Variants in QTMAN observed in about 807,000 individuals in gnomAD.
QTMAN encodes queuosine-tRNA mannosyltransferase.
the QTMAN span, among the ~76,000 whole-genome samples, chr2:144,308,170 T>TTTC: frequency 2.7e-5 from 4 of 146,928 alleles, no homozygotes; most frequent in East Asian, 5.9e-4. Flanking sequence ...TTGTTTTTTT[T>TTTC]TTTTTTTTTT....
the QTMAN span, among the ~76,000 whole-genome samples, chr2:144,121,822 T>A: frequency 2.6e-5 from 4 of 152,188 alleles, no homozygotes; most frequent in Non-Finnish European, 5.9e-5. Flanking sequence ...GGCCCAATAT[T>A]TATTTCCATA....
At chr2:143,981,588 C>T in the QTMAN span, among the ~76,000 whole-genome samples, 1 of 152,144 alleles carries the variant, frequency 6.6e-6, no homozygotes, top group Non-Finnish European at 1.5e-5. Context: ...TAAGAAATCC[C>T]TCCAACGTAA....
chr2:144,224,622 G>A, the QTMAN span, among the ~76,000 whole-genome samples: 1 of 152,164 alleles, frequency 6.6e-6, no homozygotes, highest in Non-Finnish European at 1.5e-5. Context: ...TGCTGATAAT[G>A]AGATGACATC....
chr2:144,103,456 A>G, the QTMAN span, among the ~76,000 whole-genome samples: 1 of 152,222 alleles, frequency 6.6e-6, no homozygotes, highest in African/African-American at 2.4e-5. Context: ...TCTGAGGTGC[A>G]GCAAGAGGAA....
the QTMAN span, among the ~76,000 whole-genome samples, chr2:144,030,396 T>C: frequency 6.6e-6 from 1 of 152,208 alleles, no homozygotes; most frequent in East Asian, 1.9e-4. Context: ...CCTAAGACAC[T>C]TTTTCTGAAA....
the QTMAN span, among the ~76,000 whole-genome samples, chr2:144,218,229 T>C: frequency 6.6e-6 from 1 of 152,250 alleles, no homozygotes; most frequent in Non-Finnish European, 1.5e-5. Flanking sequence ...TGTATTACCA[T>C]GTAAATATAA....
chr2:143,994,119 G>A, the QTMAN span, among the ~76,000 whole-genome samples: 1 of 152,158 alleles, frequency 6.6e-6, no homozygotes, highest in East Asian at 1.9e-4. Context: ...GAAGACACTT[G>A]AAAGAATGCC....
the QTMAN span, among the ~76,000 whole-genome samples, chr2:143,954,618 G>GA: frequency 6.6e-6 from 1 of 151,774 alleles, no homozygotes; most frequent in Non-Finnish European, 1.5e-5. Flanking sequence ...ATTCATCAAG[G>GA]AAAAAACCAC....
chr2:144,254,863 C>G, the QTMAN span, among the ~76,000 whole-genome samples: 1 of 152,236 alleles, frequency 6.6e-6, no homozygotes, highest in Non-Finnish European at 1.5e-5. Flanking sequence ...CAAAGAGAAT[C>G]ATTTTGCAAC....
At chr2:144,079,944 C>T in the QTMAN span, among the ~76,000 whole-genome samples, 1 of 152,000 alleles carries the variant, frequency 6.6e-6, no homozygotes, top group African/African-American at 2.4e-5. Flanking sequence ...ACTCTGTTGG[C>T]AAAATCAATT....
chr2:144,149,220 C>T, the QTMAN span, among the ~76,000 whole-genome samples: 1 of 151,896 alleles, frequency 6.6e-6, no homozygotes, highest in Admixed American at 6.6e-5. Context: ...TTTATCATCC[C>T]ACAGTGTGTC....
chr2:144,332,645 C>T, the QTMAN span: 1 of 151,482 alleles, frequency 6.6e-6, no homozygotes, highest in Non-Finnish European at 1.5e-5. Flanking sequence ...CTCTGCGCCG[C>T]CCGGACTCCG....
chr2:144,254,819 T>G, the QTMAN span, among the ~76,000 whole-genome samples: 1 of 152,228 alleles, frequency 6.6e-6, no homozygotes, highest in Non-Finnish European at 1.5e-5. Flanking sequence ...GCCCAGCTCT[T>G]GCATCAGTGT....
chr2:144,040,156 A>C, the QTMAN span, among the ~76,000 whole-genome samples: 1 of 152,232 alleles, frequency 6.6e-6, no homozygotes, highest in Non-Finnish European at 1.5e-5. Flanking sequence ...AATTATCTTT[A>C]AAATTCAAAG....
the QTMAN span, chr2:144,211,347 A>C: frequency 6.6e-6 from 1 of 152,606 alleles, no homozygotes; most frequent in Non-Finnish European, 1.5e-5. Flanking sequence ...CATTTACGTG[A>C]GCATTTTTTC....
the QTMAN span, among the ~76,000 whole-genome samples, chr2:144,328,046 G>A: frequency 1.3e-5 from 2 of 152,156 alleles, no homozygotes; most frequent in African/African-American, 4.8e-5. Context: ...CCACCGCCCA[G>A]GTTCAAGCCA....
chr2:144,122,674 A>G, the QTMAN span, among the ~76,000 whole-genome samples: 9 of 152,320 alleles, frequency 5.9e-5, no homozygotes, highest in African/African-American at 1.4e-4. Flanking sequence ...ATTTTCGTTC[A>G]TCTTCTCCAT....
chr2:143,974,883 A>G, the QTMAN span, among the ~76,000 whole-genome samples: 1 of 152,144 alleles, frequency 6.6e-6, no homozygotes, highest in Admixed American at 6.5e-5. Context: ...CTTTCCTATA[A>G]TCCCTATACA....
the QTMAN span, among the ~76,000 whole-genome samples, chr2:143,990,714 A>C: frequency 6.6e-6 from 1 of 152,292 alleles, no homozygotes; most frequent in Non-Finnish European, 1.5e-5. Flanking sequence ...TCCCATGATA[A>C]AATTCCAAAA....
Sources: allele counts gnomAD v4.1 joint callset (sites outside exome capture counted in the v4.1 genomes callset), GRCh38; gene constraint gnomAD v4.1.1; transcripts MANE v1.5; gene names NCBI Gene and HGNC (gene_info 2026-07-23, HGNC 2026-07-21).